Variants in RBBP4 observed in about 807,000 individuals in gnomAD.
RBBP4 encodes RB binding protein 4, chromatin remodeling factor.
Under a neutral mutation model 57.2 loss-of-function variants are expected in RBBP4, and 3 were observed. That is an observed-to-expected ratio of 0.05 (90% CI 0.02 to 0.14). The LOEUF (loss-of-function observed/expected upper bound fraction) is 0.14. RBBP4 is among the 10% of genes least tolerant of loss of function. The pLI, the probability that RBBP4 is intolerant of heterozygous loss-of-function variation, is 1.00. For missense variants in RBBP4, 107 were observed against 520.6 expected (o/e 0.21, Z 7.73); for synonymous variants, 151 against 171.5 (o/e 0.88, Z 0.93).
At chr1:32,655,346 G>T (rs1025243801) in intron 2 of RBBP4, among the ~76,000 whole-genome samples, 1 of 152,168 alleles carries the variant, frequency 6.6e-6, no homozygotes, top group African/African-American at 2.4e-5. Flanking sequence ...ACTTTTGTGT[G>T]TGTTCTTTTT....
intron 3 of RBBP4, among the ~76,000 whole-genome samples, chr1:32,658,010 G>A (rs1324632264): frequency 5.9e-5 from 9 of 151,962 alleles, no homozygotes; most frequent in Non-Finnish European, 1.0e-4. Flanking sequence ...CCGCCACCAC[G>A]CCTAGTTAAT....
intron 3 of RBBP4, among the ~76,000 whole-genome samples, chr1:32,661,662 C>G (rs572228961): frequency 6.6e-6 from 1 of 152,002 alleles, no homozygotes; most frequent in South Asian, 2.1e-4. Context: ...TGCATTCCCA[C>G]CAGCAGTGTC....
At chr1:32,659,897 T>A (rs1414843616) in intron 3 of RBBP4, among the ~76,000 whole-genome samples, 1 of 152,212 alleles carries the variant, frequency 6.6e-6, no homozygotes, top group African/African-American at 2.4e-5. Context: ...GCTATAGAAA[T>A]ACTTTCTAAG....
intron 3 of RBBP4, among the ~76,000 whole-genome samples, chr1:32,659,297 A>G (rs1457153309): frequency 6.6e-6 from 1 of 151,896 alleles, no homozygotes; most frequent in Non-Finnish European, 1.5e-5. Context: ...GCGGTGAGTC[A>G]CTCCTGTAAT....
chr1:32,655,023 T>C (rs996113826), intron 2 of RBBP4, among the ~76,000 whole-genome samples: 1 of 151,896 alleles, frequency 6.6e-6, no homozygotes, highest in African/African-American at 2.4e-5. Context: ...AGGATCTTGC[T>C]TTGTTGCCCA....
chr1:32,651,352 C>T (rs1647600278), intron 1 of RBBP4, 30 bp downstream of exon 1: 3 of 1,438,598 alleles, frequency 2.1e-6, no homozygotes, highest in African/African-American at 3.0e-5. Flanking sequence ...CCCAGGAGGG[C>T]AGTGGGTGCC....
In RBBP4 at chr1:32,652,030, C is replaced by T. The variant is rs764700626; in HGVS notation, c.133C>T (p.Leu45=). 1 of 1,613,932 alleles carries T rather than the reference C, an allele frequency of 6.2e-7. No individual in the cohort carries two copies. Among genetic ancestry groups the T allele is most frequent in the Admixed American group, 1.7e-5 (1 of 60,010 alleles). Residue 45 remains leucine (L), a synonymous_variant, in exon 2 of 12, where the codon CTA becomes TTA. Transcript: ENST00000373493. ...GACCCATGCTCTGGAGTGGCCCAGC[C>T]TAACTGCCCAGTGGCTTCCAGATGT... The part of the protein sequence containing the change: ...VMTHALEWPS[L]TAQWLPDVTR...
intron 2 of RBBP4, among the ~76,000 whole-genome samples, chr1:32,655,499 T>C (rs1247221169): frequency 2.0e-5 from 3 of 152,212 alleles, no homozygotes; most frequent in Admixed American, 2.0e-4. Flanking sequence ...TTTCTGTTCA[T>C]ATCTCTCTTC....
intron 2 of RBBP4, among the ~76,000 whole-genome samples, chr1:32,654,658 C>G (rs1261879583): frequency 6.6e-6 from 1 of 152,164 alleles, no homozygotes; most frequent in Non-Finnish European, 1.5e-5. Flanking sequence ...ATTAGCAAAT[C>G]TAGATAAATA....
intron 3 of RBBP4, among the ~76,000 whole-genome samples, chr1:32,661,750 A>G (rs565283830): frequency 6.2e-4 from 93 of 149,512 alleles, no homozygotes; most frequent in African/African-American, 2.1e-3. Flanking sequence ...CTGGTGTGAG[A>G]GGCATCTATC....
At chr1:32,652,251 CAT>C (rs1166546753) in intron 2 of RBBP4, 190 bp downstream of exon 2, 12 of 639,178 alleles carry the variant, frequency 1.9e-5, no homozygotes, top group South Asian at 1.2e-4. Context: ...CAAGAGAAAA[CAT>C]ATTGGCGTTT....
chr1:32,652,171 CCT>C, intron 2 of RBBP4, 110 bp downstream of exon 2: 3 of 1,290,786 alleles, frequency 2.3e-6, no homozygotes, highest in South Asian at 3.1e-5. Flanking sequence ...GTGATCAAAA[CCT>C]CTTGGTGACA....
chr1:32,658,654 C>A (rs1034649045), intron 3 of RBBP4, among the ~76,000 whole-genome samples: 9 of 150,856 alleles, frequency 6.0e-5, no homozygotes, highest in Non-Finnish European at 1.2e-4. Flanking sequence ...TCAAGCGATT[C>A]TCCTGCCTCA....
intron 3 of RBBP4, among the ~76,000 whole-genome samples, chr1:32,661,680 T>TC (rs1380910963): frequency 1.3e-5 from 2 of 151,900 alleles, no homozygotes; most frequent in Non-Finnish European, 2.9e-5. Flanking sequence ...GTCTAAGTGT[T>TC]CCCTTTTCTC....
intron 11 of RBBP4, among the ~76,000 whole-genome samples, chr1:32,676,064 C>T (rs1368477829): frequency 6.6e-6 from 1 of 151,882 alleles, no homozygotes; most frequent in Non-Finnish European, 1.5e-5. Flanking sequence ...AGTCCCTGCT[C>T]TTTGGGAGGC....
chr1:32,680,356 G>GT lies in RBBP4; in HGVS notation c.*651_*652insT, dbSNP rs1649351935. ...AAATGGTGTTTTTTTTTTTGTTGTTGGTTTTTTTTTTTTTTTTTTTAACTT... is the reference window on the plus strand; with the variant it reads ...AAATGGTGTTTTTTTTTTTGTTGTTGTGTTTTTTTTTTTTTTTTTTTAACTT... On this transcript the variant is annotated 3_prime_UTR_variant, in exon 12 of 12. Transcript: ENST00000373493. 2 of 1,132,612 alleles carry GT rather than the reference G, an allele frequency of 1.8e-6. No individual in the cohort carries two copies. The highest frequency in any genetic ancestry group is 5.3e-5 in the Admixed American group (1 of 18,916). The allele number at this position is 1,132,612 out of a possible 1,614,324, so 70.2% of individuals were successfully genotyped here. A position where few individuals can be genotyped will look rare whatever the true frequency, so the allele number is the denominator to read the frequency against.
chr1:32,651,898 T>C lies in RBBP4; in HGVS notation c.17-16T>C. 3.7e-6 allele frequency: 6 copies of C among 1,612,760 alleles called. No individual in the cohort carries two copies. The highest frequency in any genetic ancestry group is 4.2e-6 in the Non-Finnish European group (5 of 1,179,448). On this transcript the variant is annotated splice_polypyrimidine_tract_variant and intron_variant, in intron 1 of 11. Coordinates refer to ENST00000373493, the MANE Select transcript of RBBP4 (RefSeq NM_005610.3). ...CCGTTTGTTTGCTAACTTAAATTTG[T>C]TTTTAAAAATTTTAGCAGCCTTCGA...
intron 8 of RBBP4, among the ~76,000 whole-genome samples, chr1:32,670,953 TCTTTG>T (rs1172167484): frequency 6.6e-6 from 1 of 152,180 alleles, no homozygotes; most frequent in Non-Finnish European, 1.5e-5. Context: ...TTACCCTATC[TCTTTG>T]CTTTGCTTGT....
At chr1:32,659,099 TTGTG>T (rs940494491) in intron 3 of RBBP4, among the ~76,000 whole-genome samples, 4 of 146,696 alleles carry the variant, frequency 2.7e-5, no homozygotes, top group African/African-American at 9.8e-5. Context: ...TATATTTATA[TTGTG>T]TGTAATATAT....
Sources: gnomAD v4.1 joint callset for allele counts (sites outside exome capture counted in the v4.1 genomes callset) on GRCh38, gnomAD v4.1.1 for gene constraint, MANE v1.5 for transcripts, NCBI Gene and HGNC (gene_info 2026-07-23, HGNC 2026-07-21) for gene names.